CNKSR2: variants seen among roughly 807,000 people sequenced by gnomAD.
The protein encoded by CNKSR2 is connector enhancer of kinase suppressor of Ras 2.
CNKSR2 carries 14 observed loss-of-function variants against 84.4 expected under a neutral mutation model. The observed-to-expected ratio is 0.17, with a 90% CI of 0.11 to 0.26. CNKSR2 has a LOEUF of 0.26. CNKSR2 is among the 10% of genes least tolerant of loss of function. CNKSR2 has a pLI of 1.00. For missense variants in CNKSR2, 485 were observed against 771.2 expected, an observed-to-expected ratio of 0.63 and a Z score of 4.40; for synonymous variants, 275 against 277.9, an observed-to-expected ratio of 0.99 and a Z score of 0.10.
intron 1 of CNKSR2, among the ~76,000 whole-genome samples, chrX:21,409,125 C>T (rs1335162060): frequency 6.7e-5 from 7 of 104,500 alleles, no homozygotes; most frequent in Non-Finnish European, 1.4e-4. Flanking sequence ...GAATTCCAAA[C>T]ACTTAACACA....
At chrX:21,528,046 A>G (rs902097039) in intron 10 of CNKSR2, among the ~76,000 whole-genome samples, 4 of 111,016 alleles carry the variant, frequency 3.6e-5, no homozygotes, top group Non-Finnish European at 7.6e-5. Context: ...TTAGTTTTAT[A>G]TATATTTTAG....
intron 3 of CNKSR2, among the ~76,000 whole-genome samples, chrX:21,433,806 A>T (rs1381357341): frequency 1.8e-5 from 2 of 110,271 alleles, no homozygotes; most frequent in African/African-American, 6.6e-5. Context: ...TATATTGTCT[A>T]ATTTTATATA....
intron 1 of CNKSR2, among the ~76,000 whole-genome samples, chrX:21,393,249 G>A (rs2090076076): frequency 8.9e-6 from 1 of 112,139 alleles, no homozygotes; most frequent in African/African-American, 3.2e-5. Context: ...GCCTAGCTAT[G>A]CATTAATGTG....
chrX:21,622,646 A>G (rs2147305277), intron 20 of CNKSR2, among the ~76,000 whole-genome samples: 1 of 111,838 alleles, frequency 8.9e-6, no homozygotes, highest in South Asian at 3.7e-4. Context: ...TCTTTGTGCC[A>G]TAAAAGTTCT....
chrX:21,408,831 A>T (rs1205239982), intron 1 of CNKSR2, among the ~76,000 whole-genome samples: 11 of 110,708 alleles, frequency 9.9e-5, no homozygotes, highest in African/African-American at 3.6e-4. Context: ...ACTCCTATCT[A>T]TGAAACTAGG....
chrX:21,480,310 T>G (rs148523387), intron 5 of CNKSR2, among the ~76,000 whole-genome samples: 249 of 111,969 alleles, frequency 2.2e-3, no homozygotes, highest in African/African-American at 7.3e-3. Context: ...TCCCTATTTA[T>G]CCATAAAGTG....
At chrX:21,472,176 A>G (rs991892018) in intron 5 of CNKSR2, among the ~76,000 whole-genome samples, 6 of 111,568 alleles carry the variant, frequency 5.4e-5, no homozygotes, top group Non-Finnish European at 1.1e-4. Context: ...GTCAATAACT[A>G]AGGAGCATGC....
At chrX:21,523,430 G>A (rs1209420321) in intron 9 of CNKSR2, among the ~76,000 whole-genome samples, 1 of 110,967 alleles carries the variant, frequency 9.0e-6, no homozygotes, top group African/African-American at 3.3e-5. Flanking sequence ...TGTCAATACC[G>A]GAGAAGGTCA....
At chrX:21,618,874 C>A (rs1041501504) in intron 20 of CNKSR2, among the ~76,000 whole-genome samples, 5 of 111,968 alleles carry the variant, frequency 4.5e-5, no homozygotes, top group African/African-American at 1.6e-4. Flanking sequence ...AGTCTACTTA[C>A]AACAGAAATG....
intron 13 of CNKSR2, among the ~76,000 whole-genome samples, chrX:21,573,051 C>A (rs901554943): frequency 8.0e-5 from 9 of 111,960 alleles, no homozygotes; most frequent in African/African-American, 2.9e-4. Context: ...ACAACCATTC[C>A]AAATGGGAGA....
intron 10 of CNKSR2, 123 bp downstream of exon 10, chrX:21,527,123 C>T (rs1173975982): frequency 2.5e-5 from 13 of 528,320 alleles, no homozygotes; most frequent in Non-Finnish European, 3.6e-5. Context: ...GAATTCTGAA[C>T]ACATTCTGCA....
intron 4 of CNKSR2, among the ~76,000 whole-genome samples, chrX:21,467,330 A>G (rs1035493832): frequency 3.6e-5 from 4 of 111,446 alleles, no homozygotes; most frequent in African/African-American, 1.3e-4. Context: ...TGATTCTTAT[A>G]TATGCAGAAG....
At chrX:21,474,756 A>T (rs2091242485) in intron 5 of CNKSR2, among the ~76,000 whole-genome samples, 1 of 111,956 alleles carries the variant, frequency 8.9e-6, no homozygotes, top group South Asian at 3.7e-4. Flanking sequence ...AGTATTTTGG[A>T]TCACATAAAG....
intron 1 of CNKSR2, among the ~76,000 whole-genome samples, chrX:21,417,547 C>G (rs191877059): frequency 1.8e-5 from 2 of 111,571 alleles, no homozygotes; most frequent in Admixed American, 9.5e-5. Flanking sequence ...TGGGGGTTCT[C>G]TCTCTCTTTA....
chrX:21,648,964 A>T lies in CNKSR2; in HGVS notation c.2826A>T (p.Arg942Ser). The T allele has an allele frequency of 8.3e-7, 1 of 1,203,373 alleles. No individual in the cohort carries two copies. Among genetic ancestry groups the T allele is most frequent in the Non-Finnish European group, 1.1e-6 (1 of 889,008 alleles). Residue 942 changes from arginine (R) to serine (S), a missense_variant, in exon 21 of 22, where the codon AGA becomes AGT. By Grantham distance (110) the Arg-to-Ser change is moderately radical. Around this residue, in one of 5 missense-constraint regions of CNKSR2, gnomAD observed 210 missense variants for 291.5 expected, o/e 0.72. Transcript: ENST00000379510. Reference sequence around the variant, plus strand: ...AATACAAGCTATCATTTATAAAAAGATGTAATGATCCTGTAATGAATGAAA... The same window carrying T: ...AATACAAGCTATCATTTATAAAAAGTTGTAATGATCCTGTAATGAATGAAA... ...KMEYKLSFIKRCNDPVMNEKL... is the reference protein window; with the variant it reads ...KMEYKLSFIKSCNDPVMNEKL...
chrX:21,546,524 A>G (rs905084206), intron 11 of CNKSR2, among the ~76,000 whole-genome samples: 3 of 110,994 alleles, frequency 2.7e-5, no homozygotes, highest in African/African-American at 9.8e-5. Flanking sequence ...TATCCAGGAG[A>G]ACTTACCCAA....
chrX:21,450,674 A>C (rs762347854), intron 4 of CNKSR2, among the ~76,000 whole-genome samples: 1 of 111,655 alleles, frequency 9.0e-6, no homozygotes, highest in South Asian at 3.7e-4. Flanking sequence ...ATTTGAGTTT[A>C]TTACAAGGGA....
In CNKSR2 at chrX:21,648,863, T is replaced by C. The variant is rs746048348; in HGVS notation, c.2725T>C (p.Leu909=). 3.5e-6 allele frequency: 4 copies of C among 1,156,370 alleles called. No individual in the cohort carries two copies. Among genetic ancestry groups the C allele is most frequent in the South Asian group, 2.0e-5 (1 of 51,101 alleles). The change falls in exon 21 of 22, where the codon TTG becomes CTG. Residue 909 remains leucine (L), a synonymous_variant. Coordinates refer to ENST00000379510, the MANE Select transcript of CNKSR2 (RefSeq NM_014927.5). ...ESREEKLGDS[L]QDLYRALEQA... is the part of the protein sequence containing the mutation. ...CAGAGAAGAAAAGTTAGGAGACTCA[T>C]TGCAAGATTTATACAGGGCACTGGA...
intron 1 of CNKSR2, among the ~76,000 whole-genome samples, chrX:21,392,100 G>A (rs1372365863): frequency 9.0e-6 from 1 of 111,347 alleles, no homozygotes; most frequent in African/African-American, 3.3e-5. Flanking sequence ...CCTCAGCCTG[G>A]ACTTGACTGT....
Sources: gnomAD v4.1 joint callset for allele counts (sites outside exome capture counted in the v4.1 genomes callset) on GRCh38, gnomAD v4.1.1 for gene constraint, gnomAD v4.1.1 regional missense constraint, MANE v1.5 for transcripts, NCBI Gene and HGNC (gene_info 2026-07-23, HGNC 2026-07-21) for gene names.